PIK3R5: variants seen among roughly 807,000 people sequenced by gnomAD.
PIK3R5 encodes phosphoinositide 3-kinase regulatory subunit 5.
A neutral mutation model predicts 94.9 loss-of-function variants in PIK3R5; 32 were observed. The observed-to-expected ratio is 0.34, with a 90% CI of 0.25 to 0.45. The LOEUF (loss-of-function observed/expected upper bound fraction) is 0.45, where lower values mean the gene tolerates loss of function less well. PIK3R5 is among the 20% of genes least tolerant of loss of function. The pLI is 1.00. For missense variants in PIK3R5, 853 were observed against 1,144.6 expected (o/e 0.75, Z 3.68); for synonymous variants, 443 against 479.4 (o/e 0.92, Z 0.99).
chr17:8,940,823 A>G (rs913100399), intron 1 of PIK3R5, among the ~76,000 whole-genome samples: 1 of 152,058 alleles, frequency 6.6e-6, no homozygotes, highest in African/African-American at 2.4e-5. Context: ...GTCCTCCCAA[A>G]GTGTTGGGAT....
chr17:8,882,414 C>G lies in PIK3R5; in HGVS notation c.2206-533G>C, dbSNP rs1021725957. ...TTTTCTAGCGCCTCTCTGGCTGGTG[C>G]CTCTCTGCTTTGCTGGATCGCTGCC... is the stretch of plus-strand genomic sequence containing the variant. On this transcript the variant is annotated intron_variant, in intron 15 of 18. Coordinates refer to ENST00000447110, the MANE Select transcript of PIK3R5 (RefSeq NM_001142633.3). This position sits in a 1 kb window ranked among gnomAD's most constrained non-coding sequence, Gnocchi z 4.1. 1.8e-5 allele frequency: 3 copies of G among 163,266 alleles called. No individual in the cohort carries two copies. The highest frequency in any genetic ancestry group is 7.2e-5 in the African/African-American group (3 of 41,592). The allele number at this position is 163,266 out of a possible 1,614,324, so 10.1% of individuals were successfully genotyped here.
At chr17:8,917,240 C>A (rs2090648323) in intron 1 of PIK3R5, among the ~76,000 whole-genome samples, 1 of 152,196 alleles carries the variant, frequency 6.6e-6, no homozygotes, top group Non-Finnish European at 1.5e-5. Flanking sequence ...AGGAACAGCA[C>A]TTCTCTGAGG....
Position 8,881,034 on chromosome 17 carries a change from G to C in PIK3R5, c.2383-17C>G. The C allele has an allele frequency of 6.3e-7, 1 of 1,597,126 alleles. No individual in the cohort carries two copies. Among genetic ancestry groups the C allele is most frequent in the Non-Finnish European group, 8.6e-7 (1 of 1,164,506 alleles). Reference sequence around the variant, plus strand: ...TGTGCTAATCTGGAAGGAAGGCCCAGGTCAGCCCCAAATCCCTGGCCATCC... The same window carrying C: ...TGTGCTAATCTGGAAGGAAGGCCCACGTCAGCCCCAAATCCCTGGCCATCC... On this transcript the variant is annotated splice_polypyrimidine_tract_variant and intron_variant, in intron 17 of 18. Coordinates refer to ENST00000447110, the MANE Select transcript of PIK3R5 (RefSeq NM_001142633.3). This position sits in a 1 kb window ranked among gnomAD's most constrained non-coding sequence, Gnocchi z 4.8.
chr17:8,960,662 C>T (rs952513697), intron 1 of PIK3R5, among the ~76,000 whole-genome samples: 1 of 152,238 alleles, frequency 6.6e-6, no homozygotes. Context: ...TAGCAAAGAT[C>T]ACGTGGCTAG....
At chr17:8,953,190 T>C (rs1379421981) in intron 1 of PIK3R5, among the ~76,000 whole-genome samples, 2 of 152,190 alleles carry the variant, frequency 1.3e-5, no homozygotes, top group Non-Finnish European at 2.9e-5. Context: ...GTCCCCACCA[T>C]CTATCTGCTA....
chr17:8,911,554 G>C lies in PIK3R5; in HGVS notation c.-13-47C>G. On this transcript the variant is annotated intron_variant, in intron 1 of 18. Transcript: ENST00000447110. The surrounding 1 kb of genome is among the most constrained non-coding windows in gnomAD (Gnocchi z 5.3). ...GTCAGCTTGTCGAGCTCCTTTCCCA[G>C]AGAGCACCTGGTCCAGTAAAGACAA... The C allele has an allele frequency of 3.1e-6, 4 of 1,273,454 alleles. No individual in the cohort carries two copies. In the South Asian group the frequency reaches 5.0e-5, roughly 16 times the overall value. The allele number at this position is 1,273,454 out of a possible 1,614,324, so 78.9% of individuals were successfully genotyped here.
At chr17:8,941,635 G>A (rs1166923743) in intron 1 of PIK3R5, among the ~76,000 whole-genome samples, 1 of 152,242 alleles carries the variant, frequency 6.6e-6, no homozygotes, top group Non-Finnish European at 1.5e-5. Context: ...TCTGGCCTGT[G>A]CTTCGAGAGC....
intron 1 of PIK3R5, among the ~76,000 whole-genome samples, chr17:8,937,583 C>T (rs752121536): frequency 1.3e-5 from 2 of 152,126 alleles, no homozygotes; most frequent in African/African-American, 2.4e-5. Context: ...GAATAAATCC[C>T]TCTTAGCTGT....
chr17:8,898,309 G>T lies in PIK3R5; in HGVS notation c.413-4654C>A, dbSNP rs895707910. ...ACCCAGGTTTGTTCCCCATTTGATA[G>T]GAAGTCAAAGGGTATGAAGCCATAT... is the stretch of plus-strand genomic sequence containing the variant. On this transcript the variant is annotated intron_variant, in intron 5 of 18. Coordinates refer to ENST00000447110, the MANE Select transcript of PIK3R5 (RefSeq NM_001142633.3). Among the ~76,000 whole-genome samples the T allele has an allele frequency of 4.6e-5, 7 of 152,230 alleles. 1 individual carries two copies. Among genetic ancestry groups the T allele is most frequent in the Admixed American group, 4.6e-4 (7 of 15,288 alleles).
rs371921509 is a variant in PIK3R5 at position 8,928,100 on chromosome 17, CACAA to C, written c.-13-16597_-13-16594del. ...CAGCCTTGGGTATCCTTTATAGCAGCACAAACAAAGACAAAACCTAATAGGTAGC... is the reference window on the plus strand; with the variant it reads ...CAGCCTTGGGTATCCTTTATAGCAGCACAAAGACAAAACCTAATAGGTAGC... On this transcript the variant is annotated intron_variant, in intron 1 of 18. Transcript: ENST00000447110. 5.3e-3 allele frequency among the ~76,000 whole-genome samples: 809 copies of C among 152,272 alleles called. 8 individuals carry two copies. Among genetic ancestry groups the C allele is most frequent in the African/African-American group, 0.018 (751 of 41,530 alleles).
intron 5 of PIK3R5, among the ~76,000 whole-genome samples, chr17:8,895,157 T>TCCTCACCCGCTCTCCAACCACCTC (rs1338174466): frequency 6.6e-6 from 1 of 151,832 alleles, no homozygotes; most frequent in African/African-American, 2.4e-5. Flanking sequence ...AGAGAAGAGA[T>TCCTCACCCGCTCTCCAACCACCTC]CCTCACCCGC....
chr17:8,881,754 C>CTACT lies in PIK3R5; in HGVS notation c.2299+30_2299+33dup, dbSNP rs766396097. On this transcript the variant is annotated intron_variant, in intron 16 of 18. Coordinates refer to ENST00000447110, the MANE Select transcript of PIK3R5 (RefSeq NM_001142633.3). The surrounding 1 kb of genome is among the most constrained non-coding windows in gnomAD (Gnocchi z 4.8). ...CTCAGGCCAGGCTCAGAGCACCTCC[C>CTACT]TACTGCACACCCCACACTGACCACC... 6 of 1,612,966 alleles carry CTACT rather than the reference C, an allele frequency of 3.7e-6. No individual in the cohort carries two copies. The highest frequency in any genetic ancestry group is 5.1e-6 in the Non-Finnish European group (6 of 1,178,948).
At chr17:8,899,905 G>A (rs754220546) in intron 5 of PIK3R5, among the ~76,000 whole-genome samples, 5 of 152,116 alleles carry the variant, frequency 3.3e-5, no homozygotes, top group Non-Finnish European at 5.9e-5. Flanking sequence ...AGGCATGGTG[G>A]TGCACGCCTG....
chr17:8,937,452 G>A (rs1433865734), intron 1 of PIK3R5, among the ~76,000 whole-genome samples: 1 of 152,006 alleles, frequency 6.6e-6, no homozygotes, highest in South Asian at 2.1e-4. Flanking sequence ...ATCATAAATG[G>A]GTATTGGACT....
intron 5 of PIK3R5, among the ~76,000 whole-genome samples, chr17:8,901,468 G>A (rs1177491482): frequency 4.6e-5 from 7 of 152,164 alleles, no homozygotes; most frequent in Non-Finnish European, 8.8e-5. Context: ...TGGGTGGGGC[G>A]CAGACAGATC....
intron 13 of PIK3R5, 35 bp downstream of exon 13, chr17:8,886,442 T>C (rs767913732): frequency 6.3e-7 from 1 of 1,593,412 alleles, no homozygotes; most frequent in African/African-American, 1.3e-5. Flanking sequence ...GCCCGGCAGG[T>C]GGGGAAGAGG....
intron 1 of PIK3R5, among the ~76,000 whole-genome samples, chr17:8,963,526 C>CTTTTTTTTT: frequency 6.9e-6 from 1 of 145,694 alleles, no homozygotes; most frequent in South Asian, 2.2e-4. Flanking sequence ...TCTTCTTCTT[C>CTTTTTTTTT]TTTTTTTTTT....
rs144765165 is a variant in PIK3R5, at chr17:8,920,503, T to C, written c.-13-8996A>G. On this transcript the variant is annotated intron_variant, in intron 1 of 18. Coordinates refer to ENST00000447110, the MANE Select transcript of PIK3R5 (RefSeq NM_001142633.3). ...GCCTGGAACGAAGGATAATCATGCA[T>C]CCCTCTGCATAGATGAGGATCGCAC... Among the ~76,000 whole-genome samples, 70 of 152,326 alleles carry C rather than the reference T, an allele frequency of 4.6e-4. 1 individual carries two copies. Among genetic ancestry groups the C allele is most frequent in the Non-Finnish European group, 5.0e-4 (34 of 68,038 alleles).
intron 1 of PIK3R5, among the ~76,000 whole-genome samples, chr17:8,922,157 G>C (rs2090763321): frequency 6.7e-6 from 1 of 149,250 alleles, no homozygotes; most frequent in Non-Finnish European, 1.5e-5. Context: ...GGGAAGGTGG[G>C]AGGGTGGGAG....
Sources: gnomAD v4.1 joint callset for allele counts (sites outside exome capture counted in the v4.1 genomes callset) on GRCh38, gnomAD v4.1.1 for gene constraint, Gnocchi (gnomAD v3.1) non-coding constraint, MANE v1.5 for transcripts, NCBI Gene and HGNC (gene_info 2026-07-23, HGNC 2026-07-21) for gene names.